The following ZBTB7C variants were observed in gnomAD, a reference collection of about 807,000 sequenced individuals.
ZBTB7C encodes the protein zinc finger and BTB domain containing 7C, also known as zinc finger and BTB domain-containing protein 7C.
ZBTB7C carries 8 observed loss-of-function variants against 25.7 expected under a neutral mutation model. That is an observed-to-expected ratio of 0.31 (90% CI 0.18 to 0.56). The LOEUF (loss-of-function observed/expected upper bound fraction) is 0.56. Among genes scored for constraint, ZBTB7C ranks in the 20% least tolerant of loss-of-function variants. The pLI is 0.91. For synonymous variants in ZBTB7C, 394 were observed against 369.0 expected, an observed-to-expected ratio of 1.07 and a Z score of -0.78; for missense variants, 824 against 855.2, an observed-to-expected ratio of 0.96 and a Z score of 0.46.
chr18:48,200,684 C>T (rs1174185343), intron 2 of ZBTB7C, among the ~76,000 whole-genome samples: 2 of 152,206 alleles, frequency 1.3e-5, no homozygotes, highest in Non-Finnish European at 2.9e-5. Flanking sequence ...CCACAGGCAC[C>T]CTGCACCTCC....
intron 2 of ZBTB7C, among the ~76,000 whole-genome samples, chr18:48,316,097 G>A (rs991624730): frequency 4.6e-5 from 7 of 151,752 alleles, no homozygotes; most frequent in African/African-American, 1.7e-4. Context: ...CAACCACCTG[G>A]ACACCCGGCT....
chr18:48,070,213 C>T lies in ZBTB7C; in HGVS notation c.-16-29090G>A, dbSNP rs915779315. ...CCGGGCATTGCTAAACACATAGCAG[C>T]GAATAAAAGTGTCAGCCACAATGAG... On this transcript the variant is annotated intron_variant, in intron 3 of 4. Coordinates refer to ENST00000590800, the MANE Select transcript of ZBTB7C (RefSeq NM_001318841.2). 2.6e-5 allele frequency among the ~76,000 whole-genome samples: 4 copies of T among 152,224 alleles called. No individual in the cohort carries two copies. The South Asian group carries it at 6.2e-4, about 24-fold the overall frequency.
chr18:48,383,729 GA>G (rs1289365033), intron 1 of ZBTB7C, among the ~76,000 whole-genome samples: 2 of 152,186 alleles, frequency 1.3e-5, no homozygotes, highest in Admixed American at 6.5e-5. Flanking sequence ...GCACGTTGTA[GA>G]AACAGCACAC....
At chr18:48,265,424 T>C (rs888225046) in intron 2 of ZBTB7C, among the ~76,000 whole-genome samples, 6 of 152,246 alleles carry the variant, frequency 3.9e-5, no homozygotes, top group Admixed American at 2.0e-4. Context: ...AGTTCAAGTC[T>C]TGGTTCATCT....
intron 2 of ZBTB7C, among the ~76,000 whole-genome samples, chr18:48,316,747 G>C (rs552762810): frequency 6.6e-6 from 1 of 152,332 alleles, no homozygotes; most frequent in Non-Finnish European, 1.5e-5. Flanking sequence ...ACAGCCTGCA[G>C]AACTGTGAGC....
rs1305657800 is a variant in ZBTB7C at position 48,239,064 on chromosome 18, G to A, written c.-78-53069C>T. On this transcript the variant is annotated intron_variant, in intron 2 of 4. Transcript: ENST00000590800. ...CTGGTGGGAAGGTCACTTCCCCGGT[G>A]ACCTGTATGACATAGTAGCAGAGAC... Among the ~76,000 whole-genome samples, 3 of 152,104 alleles carry A rather than the reference G, an allele frequency of 2.0e-5. No individual in the cohort carries two copies. In the South Asian group the frequency reaches 6.2e-4, roughly 32 times the overall value.
At position 48,026,943 on chromosome 18, in the gene ZBTB7C, C is replaced by T. The variant is rs971797447; in HGVS notation, c.*2317G>A. On this transcript the variant is annotated 3_prime_UTR_variant, in exon 5 of 5. Coordinates refer to ENST00000590800, the MANE Select transcript of ZBTB7C (RefSeq NM_001318841.2). ...CAGAAAATTAGCTGAGAGTTTTTCT[C>T]GGCGGGATGTGGCGTGCGACCGAAG... 1.4e-4 allele frequency: 22 copies of T among 151,728 alleles called. 1 individual carries two copies. The highest frequency in any genetic ancestry group is 5.3e-4 in the African/African-American group (22 of 41,292). 9.4% of individuals were successfully genotyped at this position (151,728 alleles called of 1,614,324 possible).
chr18:48,041,039 G>A lies in ZBTB7C; in HGVS notation c.69C>T (p.Ser23=). The part of the protein sequence containing the change: ...FPNHSSEVLC[S]LNEQRHDGLL... ...GGCCATCGTGCCGTTGCTCATTGAG[G>A]CTGCACAGGACCTCACTGCTGTGGT... Residue 23 remains serine, a synonymous_variant, in exon 4 of 5, where the codon AGC becomes AGT. Transcript: ENST00000590800. The A allele has an allele frequency of 6.2e-7, 1 of 1,613,928 alleles. No homozygotes were observed. The highest frequency in any genetic ancestry group is 8.5e-7 in the Non-Finnish European group (1 of 1,179,932).
At chr18:48,144,278 C>CAA (rs201543948) in intron 3 of ZBTB7C, among the ~76,000 whole-genome samples, 1 of 138,964 alleles carries the variant, frequency 7.2e-6, no homozygotes, top group African/African-American at 2.6e-5. Flanking sequence ...GACACCTTCT[C>CAA]AAAAAAAAAA....
chr18:48,135,405 GA>G (rs561011653), intron 3 of ZBTB7C, among the ~76,000 whole-genome samples: 3 of 152,212 alleles, frequency 2.0e-5, no homozygotes, highest in Non-Finnish European at 4.4e-5. Context: ...GGGGTACAAT[GA>G]GTGGCTTTCA....
At chr18:48,296,709 G>A (rs950203645) in intron 2 of ZBTB7C, among the ~76,000 whole-genome samples, 9 of 152,078 alleles carry the variant, frequency 5.9e-5, no homozygotes, top group Non-Finnish European at 4.4e-5. Context: ...CAGTCCCCGG[G>A]GCCACAGTCT....
chr18:48,214,483 C>A, intron 2 of ZBTB7C, among the ~76,000 whole-genome samples: 1 of 152,240 alleles, frequency 6.6e-6, no homozygotes, highest in East Asian at 1.9e-4. Flanking sequence ...ATACGGGTCA[C>A]AAAGCCCCTG....
chr18:48,080,106 C>G (rs1248106237), intron 3 of ZBTB7C, among the ~76,000 whole-genome samples: 2 of 152,364 alleles, frequency 1.3e-5, no homozygotes, highest in East Asian at 3.9e-4. Flanking sequence ...CATTCAATGT[C>G]TCCATCAGCT....
intron 2 of ZBTB7C, among the ~76,000 whole-genome samples, chr18:48,228,474 C>T (rs2043162461): frequency 6.6e-6 from 1 of 152,086 alleles, no homozygotes; most frequent in Non-Finnish European, 1.5e-5. Flanking sequence ...GGGTGGGGCA[C>T]ATCCTCTTGG....
intron 3 of ZBTB7C, among the ~76,000 whole-genome samples, chr18:48,155,744 G>C (rs1168492741): frequency 6.6e-6 from 1 of 152,148 alleles, no homozygotes; most frequent in Admixed American, 6.5e-5. Flanking sequence ...ATTGCAGGAA[G>C]GGGATGTGCC....
intron 2 of ZBTB7C, among the ~76,000 whole-genome samples, chr18:48,230,499 G>T (rs1041194515): frequency 6.6e-6 from 1 of 152,196 alleles, no homozygotes; most frequent in Admixed American, 6.5e-5. Flanking sequence ...CTTCCTAGAA[G>T]TTTCCCAGCA....
chr18:48,322,619 C>CTGTGGAAAACGGTGTGGAGATTCCTTAA (rs2046123980), intron 2 of ZBTB7C, among the ~76,000 whole-genome samples: 1 of 152,168 alleles, frequency 6.6e-6, no homozygotes, highest in Non-Finnish European at 1.5e-5. Context: ...AGCGCAACCA[C>CTGTGGAAAACGGTGTGGAGATTCCTTAA]TGTGGAAAAC....
In ZBTB7C at chr18:48,369,270, T is replaced by C. The variant is rs1287575898; in HGVS notation, c.-303-30872A>G. On this transcript the variant is annotated intron_variant, in intron 1 of 4. Transcript: ENST00000590800. ...TACACATAATGTAATATGTAGAGTA[T>C]CTACTAAAAAATTATACAAAAATAA... 3.3e-5 allele frequency among the ~76,000 whole-genome samples: 5 copies of C among 152,094 alleles called. No homozygotes were observed. The South Asian group carries it at 1.0e-3, about 32-fold the overall frequency.
chr18:48,258,537 T>C (rs1230997399), intron 2 of ZBTB7C, among the ~76,000 whole-genome samples: 1 of 152,214 alleles, frequency 6.6e-6, no homozygotes. Context: ...TTAAGAACTA[T>C]AAATAGTGCC....
Sources: gnomAD v4.1 joint callset for allele counts (sites outside exome capture counted in the v4.1 genomes callset) on GRCh38, gnomAD v4.1.1 for gene constraint, MANE v1.5 for transcripts, NCBI Gene and HGNC (gene_info 2026-07-23, HGNC 2026-07-21) for gene names.